MZT2B: variants seen among roughly 807,000 people sequenced by gnomAD.
MZT2B encodes mitotic spindle organizing protein 2B.
In MZT2B, 11 loss-of-function variants were observed where a neutral mutation model predicts 12.1. The observed-to-expected ratio is 0.91, with a 90% CI of 0.57 to 1.50. The LOEUF (loss-of-function observed/expected upper bound fraction) is 1.50, where lower values mean the gene tolerates loss of function less well. MZT2B is among the 40% of genes most tolerant of loss of function. The probability of loss-of-function intolerance (pLI) is 0.00; values close to 1 mark genes in which losing one functional copy is unlikely to be tolerated. For missense variants in MZT2B, 209 were observed against 227.7 expected (o/e 0.92, Z 0.53); for synonymous variants, 85 against 109.5 (o/e 0.78, Z 1.40).
upstream of MZT2B, chr2:130,182,065 T>G (rs1689702253): frequency 1.5e-6 from 2 of 1,347,360 alleles, no homozygotes; most frequent in South Asian, 1.5e-5. Context: ...CGGTCCGCCA[T>G]GCCACTCCCG....
intron 2 of MZT2B, chr2:130,183,272 G>A (rs1308001945): frequency 3.3e-5 from 9 of 271,502 alleles, no homozygotes; most frequent in Admixed American, 1.0e-4. Flanking sequence ...AGGGACCAGG[G>A]CAGGCAGAGG....
At chr2:130,193,808 T>G, downstream of MZT2B, 2 of 1,610,148 alleles carry the variant, frequency 1.2e-6, no homozygotes, top group Middle Eastern at 1.7e-4. Context: ...CGGGCACCAA[T>G]CCACAAACTG....
intron 2 of MZT2B, among the ~76,000 whole-genome samples, chr2:130,187,625 C>T (rs150582130): frequency 0.033 from 5,046 of 152,288 alleles, 129 homozygotes; most frequent in Non-Finnish European, 0.051. Context: ...TTCAATCCCA[C>T]TGTCTAGCCC....
At chr2:130,191,824 C>T, downstream of MZT2B, 4 of 1,590,134 alleles carry the variant, frequency 2.5e-6, no homozygotes, top group Non-Finnish European at 3.4e-6. Context: ...CCCACCACAC[C>T]CTCCCCTCAG....
At chr2:130,200,226 C>T in the MZT2B span, among the ~76,000 whole-genome samples, 5 of 152,044 alleles carry the variant, frequency 3.3e-5, no homozygotes, top group African/African-American at 4.8e-5. Flanking sequence ...CCCGTCTCTA[C>T]TAAAAATACA....
At chr2:130,182,884 G>A in intron 2 of MZT2B, 109 bp downstream of exon 2, 1 of 1,471,010 alleles carries the variant, frequency 6.8e-7, no homozygotes, top group East Asian at 2.5e-5. Context: ...CCTGTCTGTC[G>A]GTCTAGGCCC....
the MZT2B span, chr2:130,196,002 C>T: frequency 1.5e-5 from 21 of 1,393,842 alleles, no homozygotes; most frequent in Non-Finnish European, 1.8e-5. Flanking sequence ...CATCACAAAC[C>T]TTTCAGTTTC....
At chr2:130,190,731 G>A (rs748288470), downstream of MZT2B, 61 of 1,394,514 alleles carry the variant, frequency 4.4e-5, no homozygotes, top group South Asian at 5.4e-4. Context: ...CAGGTCAGAT[G>A]TTGTCTACCG....
At chr2:130,184,634 G>T (rs750807072) in intron 2 of MZT2B, 2 of 985,226 alleles carry the variant, frequency 2.0e-6, no homozygotes, top group South Asian at 9.4e-5. Context: ...GGTGGAGAGG[G>T]GCTGAGGGAC....
intron 2 of MZT2B, chr2:130,183,096 G>T: frequency 2.0e-6 from 1 of 494,726 alleles, no homozygotes; most frequent in African/African-American, 2.0e-5. Context: ...GGGGCTGGGC[G>T]CCCTGGCTCA....
At chr2:130,191,919 C>T (rs370991093), downstream of MZT2B, 12 of 1,613,972 alleles carry the variant, frequency 7.4e-6, no homozygotes, top group East Asian at 2.2e-5. Context: ...CAGGTCCTCG[C>T]GGGCCTCAGA....
chr2:130,194,544 C>T, downstream of MZT2B: 1 of 1,449,134 alleles, frequency 6.9e-7, no homozygotes. Flanking sequence ...GGCCGCTTCT[C>T]TTTGCCTCTA....
chr2:130,191,034 C>G (rs1690246388), downstream of MZT2B, among the ~76,000 whole-genome samples: 1 of 152,128 alleles, frequency 6.6e-6, no homozygotes, highest in Non-Finnish European at 1.5e-5. Flanking sequence ...ACTACAAGCT[C>G]CGCCTCCTGG....
chr2:130,187,938 G>A lies in MZT2B; in HGVS notation c.320-2531G>A, dbSNP rs541744733. On this transcript the variant is annotated intron_variant, in intron 2 of 2. Coordinates refer to ENST00000281871, the MANE Select transcript of MZT2B (RefSeq NM_025029.5). ...CCATGCTTGTAGTCCCAGCTACATCGGAGGCTGAGGCAGGAAGATCCCTCC... is the reference window on the plus strand; with the variant it reads ...CCATGCTTGTAGTCCCAGCTACATCAGAGGCTGAGGCAGGAAGATCCCTCC... Among the ~76,000 whole-genome samples the A allele has an allele frequency of 4.0e-5, 6 of 151,868 alleles. No individual in the cohort carries two copies. The South Asian group carries it at 1.0e-3, about 26-fold the overall frequency.
intron 2 of MZT2B, among the ~76,000 whole-genome samples, chr2:130,187,194 TTTA>T (rs1690098984): frequency 1.3e-5 from 2 of 151,764 alleles, no homozygotes; most frequent in Admixed American, 6.6e-5. Context: ...TTACTTTTTA[TTTA>T]TTTATTTATT....
chr2:130,196,236 C>G, the MZT2B span: 1 of 1,613,984 alleles, frequency 6.2e-7, no homozygotes, highest in Non-Finnish European at 8.5e-7. Flanking sequence ...TTGAAGGAGT[C>G]GTCCCCGCCA....
downstream of MZT2B, chr2:130,194,134 G>A (rs1295510181): frequency 6.2e-7 from 1 of 1,613,990 alleles, no homozygotes; most frequent in Non-Finnish European, 8.5e-7. Context: ...CCGTGATGGA[G>A]GACACGATCT....
At chr2:130,193,937 A>T, downstream of MZT2B, 3 of 1,614,236 alleles carry the variant, frequency 1.9e-6, no homozygotes, top group South Asian at 1.1e-5. Context: ...ACACTTGACC[A>T]TCTGATTGGC....
rs1690221911 is a variant in MZT2B at position 130,190,457 on chromosome 2, G to C, written c.320-12G>C. On this transcript the variant is annotated splice_polypyrimidine_tract_variant and intron_variant, in intron 2 of 2. Coordinates refer to ENST00000281871, the MANE Select transcript of MZT2B (RefSeq NM_025029.5). ...CGCCCATTCCTAATCATTGTGCTTT[G>C]TGTCTCCTCAGGGAGAAACAAAGGC... 2.5e-6 allele frequency: 4 copies of C among 1,612,586 alleles called. No homozygotes were observed. The highest frequency in any genetic ancestry group is 2.7e-5 in the African/African-American group (2 of 75,052).
Sources: allele counts gnomAD v4.1 joint callset (sites outside exome capture counted in the v4.1 genomes callset), GRCh38; gene constraint gnomAD v4.1.1; transcripts MANE v1.5; gene names NCBI Gene and HGNC (gene_info 2026-07-23, HGNC 2026-07-21).